Variants in RARB observed in about 807,000 individuals in gnomAD.
RARB encodes the protein HBV-activated protein.
A neutral mutation model predicts 51.9 loss-of-function variants in RARB; 17 were observed. The observed-to-expected ratio is 0.33, with a 90% CI of 0.22 to 0.49. The LOEUF is 0.49. Ranked by LOEUF, RARB falls within the 20% of genes least tolerant of loss-of-function variation. The pLI is 0.99. For missense variants in RARB, 369 were observed against 550.8 expected (o/e 0.67, Z 3.30); for synonymous variants, 215 against 195.4 (o/e 1.10, Z -0.84).
At chr3:25,303,289 C>T (rs1191496337) in intron 5 of RARB, among the ~76,000 whole-genome samples, 2 of 152,156 alleles carry the variant, frequency 1.3e-5, no homozygotes, top group African/African-American at 2.4e-5. Flanking sequence ...TTTTATCCTC[C>T]CAAGTTTGCC....
intron 2 of RARB, among the ~76,000 whole-genome samples, chr3:25,473,116 C>T (rs1278261774): frequency 2.0e-5 from 3 of 152,316 alleles, no homozygotes; most frequent in South Asian, 2.1e-4. Context: ...GTCTTCTTGT[C>T]ACTATCTCCT....
intron 1 of RARB, among the ~76,000 whole-genome samples, chr3:25,434,489 G>C (rs76532059): frequency 0.056 from 8,383 of 149,760 alleles, 328 homozygotes; most frequent in Middle Eastern, 0.098. Flanking sequence ...AGAACAAAAC[G>C]TGAGGGATTT....
At chr3:25,161,962 C>A (rs1465213765) in intron 4 of RARB, among the ~76,000 whole-genome samples, 1 of 152,044 alleles carries the variant, frequency 6.6e-6, no homozygotes, top group Non-Finnish European at 1.5e-5. Context: ...GTACAGAGAC[C>A]AAGACAGACA....
chr3:24,976,613 G>GT (rs997174320), intron 2 of RARB, among the ~76,000 whole-genome samples: 302 of 150,808 alleles, frequency 2.0e-3, no homozygotes, highest in South Asian at 7.1e-3. Context: ...TTTTTGAAGG[G>GT]TTTTTTTTTC....
intron 2 of RARB, among the ~76,000 whole-genome samples, chr3:25,027,732 C>T (rs1697780224): frequency 6.6e-6 from 1 of 152,124 alleles, no homozygotes; most frequent in South Asian, 2.1e-4. Flanking sequence ...TTATAAGTAA[C>T]CTATTTCAAT....
chr3:24,905,393 A>T (rs916903479), intron 2 of RARB, among the ~76,000 whole-genome samples: 1 of 152,190 alleles, frequency 6.6e-6, no homozygotes, highest in Admixed American at 6.5e-5. Context: ...ACCTCTGCTT[A>T]CTTGACACAT....
chr3:25,368,429 A>G (rs1298577824), intron 5 of RARB, among the ~76,000 whole-genome samples: 1 of 152,198 alleles, frequency 6.6e-6, no homozygotes, highest in African/African-American at 2.4e-5. Context: ...TGTCATTAAG[A>G]TGTATATTCC....
intron 5 of RARB, among the ~76,000 whole-genome samples, chr3:25,221,150 G>C (rs945870944): frequency 1.3e-5 from 2 of 149,248 alleles, no homozygotes; most frequent in Non-Finnish European, 2.9e-5. Context: ...ATCAAACAAG[G>C]ATGTATAAAA....
intron 5 of RARB, among the ~76,000 whole-genome samples, chr3:25,422,881 G>T (rs933751743): frequency 6.6e-6 from 1 of 152,164 alleles, no homozygotes; most frequent in African/African-American, 2.4e-5. Context: ...ATTGTTAAAT[G>T]TTGGTTTAGA....
At chr3:24,977,288 T>C (rs1244560228) in intron 2 of RARB, among the ~76,000 whole-genome samples, 4 of 152,182 alleles carry the variant, frequency 2.6e-5, no homozygotes, top group Non-Finnish European at 4.4e-5. Context: ...TTTTTTCCAA[T>C]TCTGTGAAGA....
intron 2 of RARB, among the ~76,000 whole-genome samples, chr3:24,947,382 G>C (rs1349963679): frequency 6.6e-6 from 1 of 152,164 alleles, no homozygotes; most frequent in East Asian, 1.9e-4. Flanking sequence ...GAGTTTATCA[G>C]GACATTGGAA....
chr3:25,032,855 T>C (rs537074043), intron 2 of RARB, among the ~76,000 whole-genome samples: 1 of 152,334 alleles, frequency 6.6e-6, no homozygotes, highest in Admixed American at 6.5e-5. Context: ...CTAGATTGTG[T>C]TGTGGTAGCA....
At chr3:25,550,792 A>G (rs1398365832) in intron 3 of RARB, among the ~76,000 whole-genome samples, 1 of 151,918 alleles carries the variant, frequency 6.6e-6, no homozygotes, top group Non-Finnish European at 1.5e-5. Context: ...TTCTGTGTCC[A>G]TGTGTTCTCA....
At chr3:25,270,969 C>T (rs747811853) in intron 5 of RARB, among the ~76,000 whole-genome samples, 14 of 152,228 alleles carry the variant, frequency 9.2e-5, no homozygotes, top group Admixed American at 9.2e-4. Flanking sequence ...TGTGTTCTCT[C>T]CTTGAAATCA....
intron 5 of RARB, among the ~76,000 whole-genome samples, chr3:25,355,981 T>G (rs1705722354): frequency 6.6e-6 from 1 of 152,242 alleles, no homozygotes; most frequent in East Asian, 1.9e-4. Context: ...ACAAAGAAAA[T>G]GCTCATATCA....
intron 2 of RARB, among the ~76,000 whole-genome samples, chr3:25,473,648 C>T (rs1165547384): frequency 6.6e-6 from 1 of 152,172 alleles, no homozygotes; most frequent in African/African-American, 2.4e-5. Context: ...GGTGGCCCGT[C>T]TGCCAGGGTG....
intron 1 of RARB, among the ~76,000 whole-genome samples, chr3:25,460,428 T>TTTAGTTA (rs369452418): frequency 3.4e-5 from 5 of 145,582 alleles, no homozygotes; most frequent in African/African-American, 5.1e-5. Flanking sequence ...ATTTTAAAAT[T>TTTAGTTA]TTTATTTATT....
chr3:25,140,206 C>T lies in RARB; in HGVS notation c.-280+7998C>T, dbSNP rs374549072. On this transcript the variant is annotated intron_variant, in intron 4 of 11. Coordinates refer to the RARB transcript ENST00000383772. ...AATAAATACATTTTGTAAGGTACAGCTGCCATAGATAGTGATTTCTCTGAT... is the reference window on the plus strand; with the variant it reads ...AATAAATACATTTTGTAAGGTACAGTTGCCATAGATAGTGATTTCTCTGAT... Among the ~76,000 whole-genome samples the T allele has an allele frequency of 4.6e-5, 7 of 152,226 alleles. No homozygotes were observed. In the South Asian group the frequency reaches 1.4e-3, roughly 32 times the overall value.
intron 5 of RARB, among the ~76,000 whole-genome samples, chr3:25,400,228 C>G (rs1018946092): frequency 1.3e-5 from 2 of 152,166 alleles, no homozygotes; most frequent in African/African-American, 4.8e-5. Context: ...AGGACACTTC[C>G]TTCTCCCCAT....
Sources: gnomAD v4.1 joint callset for allele counts (sites outside exome capture counted in the v4.1 genomes callset) on GRCh38, gnomAD v4.1.1 for gene constraint, MANE v1.5 for transcripts, NCBI Gene and HGNC (gene_info 2026-07-23, HGNC 2026-07-21) for gene names.